The following CIT variants were observed in gnomAD, a reference collection of about 807,000 sequenced individuals.
CIT encodes the protein citron rho-interacting serine/threonine kinase, also known as citron Rho-interacting kinase.
In CIT, 79 loss-of-function variants were observed where a neutral mutation model predicts 272.7. The observed-to-expected ratio is 0.29, with a 90% CI of 0.24 to 0.35. The LOEUF is 0.35. CIT is among the 10% of genes least tolerant of loss of function. CIT has a pLI of 1.00. For synonymous variants in CIT, 948 were observed against 995.6 expected (o/e 0.95, Z 0.90); for missense variants, 1,909 against 2,618.3 (o/e 0.73, Z 5.91).
intron 3 of CIT, among the ~76,000 whole-genome samples, chr12:119,863,982 C>A (rs893860019): frequency 6.6e-6 from 1 of 152,136 alleles, no homozygotes; most frequent in African/African-American, 2.4e-5. Context: ...TCTTGGACTT[C>A]CCAGTCTTCA....
In CIT at chr12:119,727,569, C is replaced by T. The variant is rs114455637; in HGVS notation, c.3591+933G>A. ...TCACCACCACACAATTCACCCATGT[C>T]ACCAAAAAAACACTTGTACCCCTAA... is the stretch of plus-strand genomic sequence containing the variant. On this transcript the variant is annotated intron_variant, in intron 28 of 47. Transcript: ENST00000392521. Among the ~76,000 whole-genome samples the T allele has an allele frequency of 4.4e-3, 675 of 152,150 alleles. 3 individuals are homozygous for T. Among genetic ancestry groups the T allele is most frequent in the African/African-American group, 0.015 (613 of 41,498 alleles).
intron 5 of CIT, among the ~76,000 whole-genome samples, chr12:119,838,663 G>A (rs1186745299): frequency 1.3e-5 from 2 of 152,172 alleles, no homozygotes; most frequent in African/African-American, 2.4e-5. Flanking sequence ...TTGATGAAAC[G>A]TGACTTTCAT....
At chr12:119,846,608 A>T (rs1969822039) in intron 5 of CIT, among the ~76,000 whole-genome samples, 1 of 152,206 alleles carries the variant, frequency 6.6e-6, no homozygotes, top group South Asian at 2.1e-4. Flanking sequence ...CTCGAATTAA[A>T]ATATCTAAAA....
Position 119,713,033 on chromosome 12 carries a change from G to T in CIT, c.4579+170C>A. On this transcript the variant is annotated intron_variant, in intron 35 of 47. Transcript: ENST00000392521. The surrounding 1 kb of genome is among the most constrained non-coding windows in gnomAD (Gnocchi z 5.2). ...TTCTTCAGGGGGGAGACCTATAGAT[G>T]TGAGTATCGCACCAATAACCTTTAG... The T allele has an allele frequency of 3.0e-6, 2 of 664,234 alleles. No individual in the cohort carries two copies. The highest frequency in any genetic ancestry group is 5.4e-6 in the Non-Finnish European group (2 of 373,022). 41.1% of individuals were successfully genotyped at this position (664,234 alleles called of 1,614,324 possible). A position where few individuals can be genotyped will look rare whatever the true frequency, so the allele number is the denominator to read the frequency against.
At chr12:119,715,584 G>A (rs1957415830) in intron 32 of CIT, among the ~76,000 whole-genome samples, 2 of 151,414 alleles carry the variant, frequency 1.3e-5, no homozygotes, top group Admixed American at 6.6e-5. Flanking sequence ...TTGGGTGGGG[G>A]GGTGTCAAAA....
At chr12:119,787,670 G>A (rs1488607718) in intron 10 of CIT, among the ~76,000 whole-genome samples, 4 of 142,486 alleles carry the variant, frequency 2.8e-5, no homozygotes, top group Non-Finnish European at 6.0e-5. Context: ...GGCGGAGCTT[G>A]CAGTGAGCCA....
At chr12:119,757,073 T>C (rs1961086127) in intron 22 of CIT, among the ~76,000 whole-genome samples, 1 of 147,242 alleles carries the variant, frequency 6.8e-6, no homozygotes, top group Non-Finnish European at 1.5e-5. Context: ...TGAACCAAGA[T>C]CGCACCACTG....
intron 28 of CIT, among the ~76,000 whole-genome samples, chr12:119,727,656 G>A (rs1426331998): frequency 6.6e-6 from 1 of 152,186 alleles, no homozygotes; most frequent in East Asian, 1.9e-4. Flanking sequence ...AGGGCACGGG[G>A]ACTCATGCCT....
In CIT at chr12:119,839,334, A is replaced by G. The variant is rs1969240002; in HGVS notation, c.517-5106T>C. On this transcript the variant is annotated intron_variant, in intron 5 of 47. Transcript: ENST00000392521. ...TCTTTAGTACTCTATTCCAATTCACATAGGGCATTAGAGGCATGCTGTGCT... is the reference window on the plus strand; with the variant it reads ...TCTTTAGTACTCTATTCCAATTCACGTAGGGCATTAGAGGCATGCTGTGCT... 1.3e-5 allele frequency among the ~76,000 whole-genome samples: 2 copies of G among 152,238 alleles called. 1 individual carries two copies. The highest frequency in any genetic ancestry group is 4.1e-4 in the South Asian group (2 of 4,836).
chr12:119,788,416 G>A (rs1292307290), intron 10 of CIT, among the ~76,000 whole-genome samples: 1 of 152,128 alleles, frequency 6.6e-6, no homozygotes, highest in Non-Finnish European at 1.5e-5. Flanking sequence ...TGGTCCTTCA[G>A]AGATCAAAAG....
chr12:119,829,344 A>AGAAGAGAAG (rs1968424850), intron 7 of CIT, among the ~76,000 whole-genome samples: 9 of 133,430 alleles, frequency 6.7e-5, no homozygotes, highest in African/African-American at 2.5e-4. Flanking sequence ...CTTGAAAGAA[A>AGAAGAGAAG]AGAAGAGAAG....
rs574758645 is a variant in CIT at position 119,869,040 on chromosome 12, A to C, written c.238+20T>G. On this transcript the variant is annotated intron_variant, in intron 3 of 47. Coordinates refer to ENST00000392521, the MANE Select transcript of CIT (RefSeq NM_001206999.2). ...TTTCTCTCTCAGGACAGTTTTCAAG[A>C]AAAAGTTCCCCAAACTTACACTTCC... 1.9e-6 allele frequency: 3 copies of C among 1,608,870 alleles called. No individual in the cohort carries two copies. The highest frequency in any genetic ancestry group is 3.5e-5 in the Admixed American group (2 of 57,774).
intron 9 of CIT, among the ~76,000 whole-genome samples, chr12:119,820,381 T>C (rs967830402): frequency 6.6e-6 from 1 of 151,902 alleles, no homozygotes; most frequent in Non-Finnish European, 1.5e-5. Context: ...TGAAACCCTG[T>C]CTCTACTGAA....
At chr12:119,859,859 T>C (rs1355221242) in intron 3 of CIT, among the ~76,000 whole-genome samples, 1 of 151,904 alleles carries the variant, frequency 6.6e-6, no homozygotes, top group Non-Finnish European at 1.5e-5. Context: ...CAGGCTGGAA[T>C]GCAGTGGTGA....
chr12:119,784,460 T>C lies in CIT; in HGVS notation c.1402-409A>G. 8.3e-7 allele frequency: 1 copy of C among 1,200,532 alleles called. No individual in the cohort carries two copies. The highest frequency in any genetic ancestry group is 1.6e-5 in the African/African-American group (1 of 63,162). 74.4% of individuals were successfully genotyped at this position (1,200,532 alleles called of 1,614,324 possible). A position where few individuals can be genotyped will look rare whatever the true frequency, so the allele number is the denominator to read the frequency against. On this transcript the variant is annotated intron_variant, in intron 11 of 47. Transcript: ENST00000392521. The surrounding 1 kb of genome is among the most constrained non-coding windows in gnomAD (Gnocchi z 4.7). Reference sequence around the variant, plus strand: ...AATCCAGGACAGGGCAAGGAGATATTTATTCGTCTGCACTCTTAGGAGTCC... The same window carrying C: ...AATCCAGGACAGGGCAAGGAGATATCTATTCGTCTGCACTCTTAGGAGTCC...
chr12:119,864,038 A>G (rs1298221413), intron 3 of CIT, among the ~76,000 whole-genome samples: 3 of 152,094 alleles, frequency 2.0e-5, no homozygotes, highest in Non-Finnish European at 4.4e-5. Context: ...TGCCAAGTCT[A>G]AGGTATCTAT....
chr12:119,691,391 C>G (rs1230376707), intron 46 of CIT, among the ~76,000 whole-genome samples: 1 of 152,260 alleles, frequency 6.6e-6, no homozygotes, highest in African/African-American at 2.4e-5. Context: ...CCATGTCTGT[C>G]CCACTCCTGG....
chr12:119,775,656 C>T, intron 16 of CIT, 130 bp downstream of exon 16: 4 of 666,486 alleles, frequency 6.0e-6, no homozygotes. Flanking sequence ...ATCGCTCACT[C>T]CCCCTTCATT....
At chr12:119,854,875 T>C (rs1000647266) in intron 4 of CIT, among the ~76,000 whole-genome samples, 3 of 152,042 alleles carry the variant, frequency 2.0e-5, no homozygotes, top group East Asian at 3.9e-4. Context: ...CGCTTGAACC[T>C]GGGAGGCGGG....
Sources: allele counts gnomAD v4.1 joint callset (sites outside exome capture counted in the v4.1 genomes callset), GRCh38; gene constraint gnomAD v4.1.1; non-coding constraint Gnocchi (gnomAD v3.1); transcripts MANE v1.5; gene names NCBI Gene and HGNC (gene_info 2026-07-23, HGNC 2026-07-21).